Variants in ROBO2 observed in about 807,000 individuals in gnomAD.
ROBO2 encodes the protein roundabout homolog 2.
A neutral mutation model predicts 160.8 loss-of-function variants in ROBO2; 53 were observed. The observed-to-expected ratio is 0.33, with a 90% confidence interval of 0.26 to 0.41. The LOEUF (loss-of-function observed/expected upper bound fraction) is 0.41. Ranked by LOEUF, ROBO2 falls within the 10% of genes least tolerant of loss-of-function variation. The pLI is 1.00. For synonymous variants in ROBO2, 664 were observed against 611.7 expected, an observed-to-expected ratio of 1.09 and a Z score of -1.26; for missense variants, 1,577 against 1,722.4, an observed-to-expected ratio of 0.92 and a Z score of 1.49.
At chr3:76,280,824 A>C (rs2107667882) in intron 2 of ROBO2, among the ~76,000 whole-genome samples, 1 of 152,052 alleles carries the variant, frequency 6.6e-6, no homozygotes, top group East Asian at 1.9e-4. Flanking sequence ...CTGGTTCAAA[A>C]TTCCATCAAG....
chr3:76,517,005 T>C (rs1267935380), intron 2 of ROBO2, among the ~76,000 whole-genome samples: 1 of 152,210 alleles, frequency 6.6e-6, no homozygotes, highest in Non-Finnish European at 1.5e-5. Context: ...GGATCCCTTT[T>C]AAGTAATATT....
intron 2 of ROBO2, among the ~76,000 whole-genome samples, chr3:76,101,262 C>T (rs1237546880): frequency 9.2e-5 from 14 of 152,098 alleles, no homozygotes; most frequent in Non-Finnish European, 1.5e-5. Flanking sequence ...ATATTATCAT[C>T]ATAGTTGTGA....
intron 6 of ROBO2, among the ~76,000 whole-genome samples, chr3:77,541,742 C>T (rs904276009): frequency 6.6e-6 from 1 of 152,140 alleles, no homozygotes; most frequent in Non-Finnish European, 1.5e-5. Context: ...TAGGATATTA[C>T]ATCATAGTTA....
At chr3:76,376,631 T>G in intron 2 of ROBO2, among the ~76,000 whole-genome samples, 1 of 151,074 alleles carries the variant, frequency 6.6e-6, no homozygotes, top group East Asian at 1.9e-4. Flanking sequence ...ATGGCTTTTG[T>G]GAAAAGAAAG....
At chr3:76,756,167 A>G (rs1011920089) in intron 2 of ROBO2, among the ~76,000 whole-genome samples, 1 of 151,886 alleles carries the variant, frequency 6.6e-6, no homozygotes, top group Non-Finnish European at 1.5e-5. Context: ...TCTTGTCTCA[A>G]GCAAATATGT....
chr3:76,229,104 T>C (rs1418061714), intron 2 of ROBO2, among the ~76,000 whole-genome samples: 1 of 152,192 alleles, frequency 6.6e-6, no homozygotes, highest in African/African-American at 2.4e-5. Context: ...TCCACAATTT[T>C]TTTTTGGAAA....
intron 2 of ROBO2, among the ~76,000 whole-genome samples, chr3:76,733,658 G>A (rs570252283): frequency 6.6e-6 from 1 of 152,226 alleles, no homozygotes; most frequent in African/African-American, 2.4e-5. Context: ...GGTAATTCCT[G>A]TTACAGTTTT....
Position 76,310,490 on chromosome 3 carries a change from C to T in ROBO2, c.109+372888C>T, listed in dbSNP as rs570638662. On this transcript the variant is annotated intron_variant, in intron 2 of 26. Coordinates refer to the ROBO2 transcript ENST00000487694. ...ACTACGTATTGAGAACTTGCCCTTCCTGTTTTATTGCTGGGGAGAAAAATT... is the reference window on the plus strand; with the variant it reads ...ACTACGTATTGAGAACTTGCCCTTCTTGTTTTATTGCTGGGGAGAAAAATT... Among the ~76,000 whole-genome samples the T allele has an allele frequency of 2.0e-4, 30 of 152,228 alleles. No homozygotes were observed. In the South Asian group the frequency reaches 4.4e-3, roughly 22 times the overall value.
intron 2 of ROBO2, among the ~76,000 whole-genome samples, chr3:76,666,975 A>G (rs754801577): frequency 2.0e-5 from 3 of 152,106 alleles, no homozygotes; most frequent in Non-Finnish European, 4.4e-5. Context: ...TATATGACAT[A>G]TATAACATTT....
chr3:77,432,358 C>T (rs2078858613), intron 2 of ROBO2, among the ~76,000 whole-genome samples: 2 of 152,032 alleles, frequency 1.3e-5, no homozygotes, highest in Admixed American at 6.6e-5. Context: ...TTACAAAATT[C>T]ATTTCTAAAC....
intron 2 of ROBO2, among the ~76,000 whole-genome samples, chr3:76,799,192 C>T (rs1167039): frequency 0.5 from 75,971 of 151,050 alleles, 20,161 homozygotes; most frequent in African/African-American, 0.69. Flanking sequence ...CCAGCCTGGG[C>T]GACAGAGTGA....
intron 2 of ROBO2, among the ~76,000 whole-genome samples, chr3:76,328,017 GA>G (rs983522263): frequency 3.3e-5 from 5 of 149,866 alleles, no homozygotes; most frequent in South Asian, 2.1e-4. Context: ...TTTCAAAGGG[GA>G]AAAAAAAAGA....
chr3:75,910,833 G>T (rs572961382), intron 1 of ROBO2, among the ~76,000 whole-genome samples: 8 of 152,158 alleles, frequency 5.3e-5, no homozygotes, highest in African/African-American at 1.7e-4. Flanking sequence ...ACAAACAGAA[G>T]ATACTGAACA....
At chr3:76,642,341 CTTTTTTTTTT>C (rs71104611) in intron 2 of ROBO2, among the ~76,000 whole-genome samples, 1 of 62,230 alleles carries the variant, frequency 1.6e-5, no homozygotes, top group Non-Finnish European at 3.0e-5. Context: ...TTTACACTTG[CTTTTTTTTTT>C]TTTTTTTTTT....
chr3:76,536,520 T>C (rs1291588279), intron 2 of ROBO2, among the ~76,000 whole-genome samples: 1 of 152,116 alleles, frequency 6.6e-6, no homozygotes, highest in Non-Finnish European at 1.5e-5. Context: ...TTGTCATAAT[T>C]GATAGCTTTG....
chr3:77,525,684 T>C (rs2091071622), intron 6 of ROBO2, among the ~76,000 whole-genome samples: 1 of 151,238 alleles, frequency 6.6e-6, no homozygotes, highest in African/African-American at 2.4e-5. Flanking sequence ...AATCATATTG[T>C]TTCTAGAGCA....
Position 75,947,980 on chromosome 3 carries a change from C to T in ROBO2, c.109+10378C>T, listed in dbSNP as rs936973965. On this transcript the variant is annotated intron_variant, in intron 2 of 26. Coordinates refer to the ROBO2 transcript ENST00000487694. The stretch of plus-strand genomic sequence containing the variant: ...ATTCTGAAGTTGGAAGATCAAATCA[C>T]ATCTGATGGGAAAAAATCTGGCTGT... Among the ~76,000 whole-genome samples the T allele has an allele frequency of 1.3e-4, 20 of 151,988 alleles. 1 individual carries two copies. The highest frequency in any genetic ancestry group is 4.2e-4 in the South Asian group (2 of 4,814).
chr3:77,192,836 T>A (rs113148394), intron 2 of ROBO2, among the ~76,000 whole-genome samples: 2,305 of 151,664 alleles, frequency 0.015, 60 homozygotes, highest in African/African-American at 0.052. Flanking sequence ...GTATTTTAAG[T>A]AGAGATGGGG....
chr3:77,256,286 TA>T (rs1459043123), intron 2 of ROBO2, among the ~76,000 whole-genome samples: 2 of 152,232 alleles, frequency 1.3e-5, no homozygotes, highest in Non-Finnish European at 2.9e-5. Flanking sequence ...AAAACATCAG[TA>T]CTTAAGTGTA....
Sources: gnomAD v4.1 joint callset for allele counts (sites outside exome capture counted in the v4.1 genomes callset) on GRCh38, gnomAD v4.1.1 for gene constraint, MANE v1.5 for transcripts, NCBI Gene and HGNC (gene_info 2026-07-23, HGNC 2026-07-21) for gene names.